The following DMD variants were observed in gnomAD, a reference collection of about 807,000 sequenced individuals.
DMD encodes the protein dystrophin.
In DMD, 63 loss-of-function variants were observed where a neutral mutation model predicts 330.1. The ratio of observed to expected loss-of-function variants is 0.19; its 90% CI spans 0.16 to 0.24. The LOEUF is 0.24. DMD is among the 10% of genes least tolerant of loss of function. The pLI is 1.00. For synonymous variants in DMD, 1,223 were observed against 959.8 expected, an observed-to-expected ratio of 1.27 and a Z score of -5.07; for missense variants, 3,344 against 2,684.1, an observed-to-expected ratio of 1.25 and a Z score of -5.43.
intron 7 of DMD, among the ~76,000 whole-genome samples, chrX:32,805,845 C>T (rs760591434): frequency 5.4e-5 from 6 of 111,579 alleles, no homozygotes; most frequent in East Asian, 2.8e-4. Flanking sequence ...GCTTCATAAG[C>T]GAAGGAGAAA....
chrX:32,368,366 A>G (rs909773521), intron 34 of DMD, among the ~76,000 whole-genome samples: 1 of 111,488 alleles, frequency 9.0e-6, no homozygotes, highest in African/African-American at 3.3e-5. Flanking sequence ...TGGAATAAGC[A>G]TGAATGACTA....
chrX:32,328,561 C>T (rs1193005736), intron 41 of DMD, among the ~76,000 whole-genome samples: 1 of 111,039 alleles, frequency 9.0e-6, no homozygotes, highest in African/African-American at 3.3e-5. Context: ...CATGCTTTCT[C>T]TTCCTCATTC....
chrX:32,439,492 C>T (rs866079020), intron 28 of DMD, among the ~76,000 whole-genome samples: 9 of 110,901 alleles, frequency 8.1e-5, no homozygotes, highest in Middle Eastern at 4.9e-3. Flanking sequence ...TATTTATTTG[C>T]AAAATGGATA....
rs991836441 is a variant in DMD at position 33,099,434 on chromosome X, A to G, written c.32-79234T>C. Among the ~76,000 whole-genome samples, 16 of 110,417 alleles carry G rather than the reference A, an allele frequency of 1.4e-4. No homozygotes were observed. The Admixed American group carries it at 1.5e-3, about 10-fold the overall frequency. Reference sequence around the variant, plus strand: ...GTATTCATTAGTTTCCCTTAACCCTACCCACAACTTTGAATATTGTTTCTT... The same window carrying G: ...GTATTCATTAGTTTCCCTTAACCCTGCCCACAACTTTGAATATTGTTTCTT... On this transcript the variant is annotated intron_variant, in intron 1 of 78. Coordinates refer to ENST00000357033, the MANE Select transcript of DMD (RefSeq NM_004006.3).
At chrX:33,232,401 A>T (rs1306460871) in intron 1 of DMD, among the ~76,000 whole-genome samples, 2 of 112,254 alleles carry the variant, frequency 1.8e-5, no homozygotes, top group African/African-American at 6.5e-5. Flanking sequence ...AAGAGAAACG[A>T]ATGCCAGTAA....
At chrX:31,530,647 C>CTTTTTTTTTTTTTTTTTTTTTTAT (rs2073684904) in intron 55 of DMD, among the ~76,000 whole-genome samples, 2 of 49,845 alleles carry the variant, frequency 4.0e-5, no homozygotes, top group Non-Finnish European at 7.2e-5. Flanking sequence ...ACTGGTTTCT[C>CTTTTTTTTTTTTTTTTTTTTTTAT]TTTTTTTTTT....
chrX:32,094,103 T>C (rs1170574816), intron 44 of DMD, among the ~76,000 whole-genome samples: 1 of 111,884 alleles, frequency 8.9e-6, no homozygotes, highest in Non-Finnish European at 1.9e-5. Flanking sequence ...TTTACTCTCT[T>C]AGGAAATAAT....
chrX:31,144,837 T>C (rs780101249), intron 76 of DMD, among the ~76,000 whole-genome samples: 9 of 111,475 alleles, frequency 8.1e-5, no homozygotes, highest in African/African-American at 2.9e-4. Flanking sequence ...GTGGCCTTCA[T>C]AAAACCCTCT....
chrX:31,606,778 T>C (rs1265448229), intron 55 of DMD, among the ~76,000 whole-genome samples: 1 of 112,341 alleles, frequency 8.9e-6, no homozygotes, highest in Non-Finnish European at 1.9e-5. Context: ...TTGAAAGTTG[T>C]TCTTCAAGTG....
In DMD at chrX:31,177,960, G is replaced by A; in HGVS notation, c.10234C>T (p.Leu3412=). 8.3e-7 allele frequency: 1 copy of A among 1,207,741 alleles called. No individual in the cohort carries two copies. Among genetic ancestry groups the A allele is most frequent in the Non-Finnish European group, 1.1e-6 (1 of 893,073 alleles). Residue 3412 remains leucine (L), a synonymous_variant, in exon 71 of 79, where the codon CTG becomes TTG. Transcript: ENST00000357033. ...EGDNMETPVT[L]INFWPVDSAP... ...GAATCTACTGGCCAGAAGTTGATCA[G>A]AGTAACGGGACTGCAAAACAAAAAA... is the stretch of plus-strand genomic sequence containing the variant.
intron 29 of DMD, among the ~76,000 whole-genome samples, chrX:32,418,188 G>T (rs1424298765): frequency 9.0e-6 from 1 of 111,501 alleles, no homozygotes; most frequent in Non-Finnish European, 1.9e-5. Context: ...CCTGGATGAT[G>T]TAAAAGCATT....
At chrX:32,939,392 A>G (rs1004045608) in intron 2 of DMD, among the ~76,000 whole-genome samples, 4 of 110,196 alleles carry the variant, frequency 3.6e-5, no homozygotes, top group African/African-American at 1.3e-4. Context: ...ATATTGGCCA[A>G]CCACCTTGCA....
chrX:31,981,181 C>T lies in DMD; in HGVS notation c.6439-12667G>A, dbSNP rs747619833. ...TGATCAATTTAGACAATCTATAAGACGAGTCAAGTGGCATCTGTCTTTCAG... is the reference window on the plus strand; with the variant it reads ...TGATCAATTTAGACAATCTATAAGATGAGTCAAGTGGCATCTGTCTTTCAG... On this transcript the variant is annotated intron_variant, in intron 44 of 78. Transcript: ENST00000357033. Among the ~76,000 whole-genome samples the T allele has an allele frequency of 1.2e-4, 13 of 111,646 alleles. No individual in the cohort carries two copies. In the East Asian group the frequency reaches 3.7e-3, roughly 32 times the overall value.
At chrX:31,886,650 C>A (rs2094158387) in intron 47 of DMD, among the ~76,000 whole-genome samples, 1 of 111,482 alleles carries the variant, frequency 9.0e-6, no homozygotes, top group Admixed American at 9.6e-5. Context: ...ATACAATAGT[C>A]TCATACAACA....
intron 50 of DMD, among the ~76,000 whole-genome samples, chrX:31,779,744 AAGAG>A (rs1181938683): frequency 1.8e-5 from 2 of 108,692 alleles, no homozygotes; most frequent in Admixed American, 2.0e-4. Flanking sequence ...GAGACAGAGC[AAGAG>A]AGAGAGAGGG....
At chrX:31,586,375 TA>T (rs2076609165) in intron 55 of DMD, among the ~76,000 whole-genome samples, 1 of 112,587 alleles carries the variant, frequency 8.9e-6, no homozygotes, top group Non-Finnish European at 1.9e-5. Context: ...ATTTAAAAGC[TA>T]CATATGTGCT....
At chrX:32,427,683 CTACT>C (rs1264225046) in intron 29 of DMD, among the ~76,000 whole-genome samples, 1 of 108,902 alleles carries the variant, frequency 9.2e-6, no homozygotes, top group Non-Finnish European at 1.9e-5. Flanking sequence ...CTTGTATGTT[CTACT>C]GAGTTTGTTG....
intron 60 of DMD, among the ~76,000 whole-genome samples, chrX:31,362,709 C>T (rs751196990): frequency 8.9e-6 from 1 of 112,994 alleles, no homozygotes; most frequent in Non-Finnish European, 1.9e-5. Context: ...CTTCGGGAGG[C>T]CGAGGCTGGT....
intron 43 of DMD, among the ~76,000 whole-genome samples, chrX:32,247,689 T>A (rs2097246080): frequency 9.0e-6 from 1 of 111,642 alleles, no homozygotes; most frequent in South Asian, 3.7e-4. Flanking sequence ...CCAAACTGTG[T>A]TAGACAGTCC....
Sources: gnomAD v4.1 joint callset for allele counts (sites outside exome capture counted in the v4.1 genomes callset) on GRCh38, gnomAD v4.1.1 for gene constraint, MANE v1.5 for transcripts, NCBI Gene and HGNC (gene_info 2026-07-23, HGNC 2026-07-21) for gene names.